Variants in SCYL2 observed in about 807,000 individuals in gnomAD.
SCYL2 encodes the protein SCY1 like pseudokinase 2, also known as SCY1-like protein 2.
Under a neutral mutation model 100.4 loss-of-function variants are expected in SCYL2, and 36 were observed. That is an observed-to-expected ratio of 0.36 (90% CI 0.27 to 0.47). The LOEUF is 0.47. Ranked by LOEUF, SCYL2 falls within the 20% of genes least tolerant of loss-of-function variation. SCYL2 has a pLI of 1.00. For missense variants in SCYL2, 902 were observed against 1,083.9 expected (o/e 0.83, Z 2.36); for synonymous variants, 330 against 359.2 (o/e 0.92, Z 0.92).
chr12:100,285,965 A>G (rs907194747), intron 2 of SCYL2, among the ~76,000 whole-genome samples: 1 of 152,162 alleles, frequency 6.6e-6, no homozygotes, highest in African/African-American at 2.4e-5. Flanking sequence ...ATAATAAATG[A>G]TAAATGTTTA....
chr12:100,294,863 G>A (rs1252746717), intron 3 of SCYL2, among the ~76,000 whole-genome samples: 1 of 151,880 alleles, frequency 6.6e-6, no homozygotes, highest in Non-Finnish European at 1.5e-5. Context: ...TTCCCAGACG[G>A]GGTGGCTGCC....
rs1277923296 is a variant in SCYL2, at chr12:100,340,304, A to G, written c.*1132A>G. 6.6e-6 allele frequency: 1 copy of G among 152,354 alleles called. No homozygotes were observed. The highest frequency in any genetic ancestry group is 1.5e-5 in the Non-Finnish European group (1 of 67,956). The allele number at this position is 152,354 out of a possible 1,614,324, so 9.4% of individuals were successfully genotyped here. On this transcript the variant is annotated 3_prime_UTR_variant, in exon 18 of 18. Transcript: ENST00000360820. ...GCCATTTTTAGGAAGGAAAGAATCA[A>G]TTCTCTTAACAGGAAACATGCTTTA...
intron 2 of SCYL2, among the ~76,000 whole-genome samples, chr12:100,288,407 C>T (rs113505591): frequency 0.026 from 3,894 of 152,164 alleles, 62 homozygotes; most frequent in South Asian, 0.076. Flanking sequence ...CTCATTTTTA[C>T]AAAGTGTTGG....
rs1952343517 is a variant in SCYL2 at position 100,340,791 on chromosome 12, A to G, written c.*1619A>G. On this transcript the variant is annotated 3_prime_UTR_variant, in exon 18 of 18. Coordinates refer to ENST00000360820, the MANE Select transcript of SCYL2 (RefSeq NM_017988.6). ...ACTAACAGAATTGCTAAAGAAATGC[A>G]TCCAATAAATGAAAAACAGTAGGAA... The G allele has an allele frequency of 6.6e-6, 1 of 152,054 alleles. No individual in the cohort carries two copies. The highest frequency in any genetic ancestry group is 2.4e-5 in the African/African-American group (1 of 41,424). The allele number at this position is 152,054 out of a possible 1,614,324, so 9.4% of individuals were successfully genotyped here.
chr12:100,314,615 G>T lies in SCYL2; in HGVS notation c.1095+1G>T, dbSNP rs2096346268. 1 of 1,587,564 alleles carries T rather than the reference G, an allele frequency of 6.3e-7. No individual in the cohort carries two copies. The highest frequency in any genetic ancestry group is 8.5e-7 in the Non-Finnish European group (1 of 1,172,130). On this transcript the variant is annotated splice_donor_variant, in intron 8 of 17. Transcript: ENST00000360820. LOFTEE classifies it high-confidence loss of function. The stretch of plus-strand genomic sequence containing the variant: ...AAAGGTTCTACCAAAACTGCCCAAG[G>T]TTTGTTATTGTTAGTTTCTTATTAA...
At chr12:100,301,910 A>G (rs2096328178) in intron 4 of SCYL2, among the ~76,000 whole-genome samples, 1 of 152,226 alleles carries the variant, frequency 6.6e-6, no homozygotes, top group Non-Finnish European at 1.5e-5. Flanking sequence ...CCCAAGACCC[A>G]TGGCGTACTA....
chr12:100,306,266 C>T (rs1258250521), intron 4 of SCYL2, among the ~76,000 whole-genome samples: 1 of 152,168 alleles, frequency 6.6e-6, no homozygotes, highest in African/African-American at 2.4e-5. Flanking sequence ...AAAATACTGA[C>T]AAACCGAATC....
chr12:100,311,269 C>T lies in SCYL2; in HGVS notation c.630+76C>T, dbSNP rs995358638. 4 of 1,428,052 alleles carry T rather than the reference C, an allele frequency of 2.8e-6. No homozygotes were observed. The African/African-American group carries it at 4.3e-5, about 15-fold the overall frequency. The allele number at this position is 1,428,052 out of a possible 1,614,324, so 88.5% of individuals were successfully genotyped here. A position where few individuals can be genotyped will look rare whatever the true frequency, so the allele number is the denominator to read the frequency against. ...GCATCTGGAATGGACTAGAAATAGG[C>T]TATGTGGTACAGTGGTATGTTTAGA... On this transcript the variant is annotated intron_variant, in intron 5 of 17. Transcript: ENST00000360820.
intron 1 of SCYL2, among the ~76,000 whole-genome samples, chr12:100,282,282 C>T (rs2096299530): frequency 7.1e-6 from 1 of 141,794 alleles, no homozygotes; most frequent in South Asian, 2.2e-4. Context: ...GCCTCAGCCT[C>T]CCAAACCCCA....
At chr12:100,297,479 C>T (rs1156551748) in intron 3 of SCYL2, among the ~76,000 whole-genome samples, 2 of 152,152 alleles carry the variant, frequency 1.3e-5, no homozygotes, top group African/African-American at 4.8e-5. Context: ...AATTTAATAA[C>T]TGTGACACCT....
intron 1 of SCYL2, among the ~76,000 whole-genome samples, chr12:100,271,315 T>C (rs1233799687): frequency 6.6e-6 from 1 of 151,576 alleles, no homozygotes; most frequent in East Asian, 1.9e-4. Context: ...ATCATCTTTC[T>C]TTAGATACAA....
chr12:100,296,952 A>G (rs1243697011), intron 3 of SCYL2: 1 of 152,170 alleles, frequency 6.6e-6, no homozygotes, highest in African/African-American at 2.4e-5. Context: ...CATTTGAAAA[A>G]CAGATTTAAG....
intron 1 of SCYL2, among the ~76,000 whole-genome samples, chr12:100,279,353 T>G (rs1254996088): frequency 1.3e-5 from 2 of 152,234 alleles, no homozygotes; most frequent in African/African-American, 2.4e-5. Flanking sequence ...TAATGCTTGC[T>G]CGCCTACCGC....
At chr12:100,328,023 T>C (rs937209452) in intron 12 of SCYL2, among the ~76,000 whole-genome samples, 9 of 152,070 alleles carry the variant, frequency 5.9e-5, no homozygotes, top group Non-Finnish European at 1.0e-4. Flanking sequence ...GACACCTGTA[T>C]TCCCAGCACT....
intron 3 of SCYL2, 35 bp downstream of exon 3, chr12:100,291,695 C>A: frequency 6.6e-7 from 1 of 1,519,928 alleles, no homozygotes; most frequent in Non-Finnish European, 8.8e-7. Context: ...AGTAGACTTC[C>A]TGAACAAATA....
At chr12:100,271,462 A>ATAAC (rs2096287641) in intron 1 of SCYL2, among the ~76,000 whole-genome samples, 1 of 152,214 alleles carries the variant, frequency 6.6e-6, no homozygotes, top group South Asian at 2.1e-4. Flanking sequence ...AATTCATTGA[A>ATAAC]TAACTATAAA....
chr12:100,280,018 G>A (rs2096296391), intron 1 of SCYL2, among the ~76,000 whole-genome samples: 1 of 152,200 alleles, frequency 6.6e-6, no homozygotes, highest in Non-Finnish European at 1.5e-5. Flanking sequence ...CAGCTAGATA[G>A]CTACTTGGAA....
intron 1 of SCYL2, among the ~76,000 whole-genome samples, chr12:100,268,747 A>G (rs932630444): frequency 1.3e-5 from 2 of 152,192 alleles, no homozygotes; most frequent in Non-Finnish European, 2.9e-5. Flanking sequence ...TTTGAAATTC[A>G]TGATATACCT....
chr12:100,326,606 T>G lies in SCYL2; in HGVS notation c.1510-16T>G. The G allele has an allele frequency of 6.4e-7, 1 of 1,559,220 alleles. No individual in the cohort carries two copies. Among genetic ancestry groups the G allele is most frequent in the Non-Finnish European group, 8.6e-7 (1 of 1,157,624 alleles). On this transcript the variant is annotated splice_polypyrimidine_tract_variant and intron_variant, in intron 11 of 17. Coordinates refer to ENST00000360820, the MANE Select transcript of SCYL2 (RefSeq NM_017988.6). ...GAAAACTTTTAATGACTAATGCAAT[T>G]TACCTCTTTTAATAGGTTCGTGTAA...
Sources: gnomAD v4.1 joint callset for allele counts (sites outside exome capture counted in the v4.1 genomes callset) on GRCh38, gnomAD v4.1.1 for gene constraint, MANE v1.5 for transcripts, NCBI Gene and HGNC (gene_info 2026-07-23, HGNC 2026-07-21) for gene names.